The following HIP1 variants were observed in gnomAD, a reference collection of about 807,000 sequenced individuals.
HIP1 encodes the protein huntingtin-interacting protein 1.
In HIP1, 65 loss-of-function variants were observed where a neutral mutation model predicts 147.6. The ratio of observed to expected loss-of-function variants is 0.44; its 90% CI spans 0.36 to 0.54. The LOEUF is 0.54. HIP1 is among the 20% of genes least tolerant of loss of function. The pLI, the probability that HIP1 is intolerant of heterozygous loss-of-function variation, is 0.00. For missense variants in HIP1, 1,061 were observed against 1,299.6 expected (o/e 0.82, Z 2.82); for synonymous variants, 479 against 504.0 (o/e 0.95, Z 0.67).
At chr7:75,590,138 A>C (rs1475218632) in intron 4 of HIP1, among the ~76,000 whole-genome samples, 1 of 152,202 alleles carries the variant, frequency 6.6e-6, no homozygotes, top group Non-Finnish European at 1.5e-5. Context: ...GTGATCTCAG[A>C]TGAAAGGTCT....
At position 75,601,590 on chromosome 7, in the gene HIP1, G is replaced by T. The variant is rs927769271; in HGVS notation, c.121-2343C>A. 2.0e-5 allele frequency among the ~76,000 whole-genome samples: 3 copies of T among 146,630 alleles called. No individual in the cohort carries two copies. The Admixed American group carries it at 2.1e-4, about 10-fold the overall frequency. ...CAGCCTGGCTGAGAGAGCTCTCAGC[G>T]ACAACAAAACTCTCAACAACAACAA... On this transcript the variant is annotated intron_variant, in intron 1 of 30. Transcript: ENST00000336926.
chr7:75,559,819 A>G lies in HIP1; in HGVS notation c.1288T>C (p.Cys430Arg). 6.2e-7 allele frequency: 1 copy of G among 1,611,368 alleles called. No homozygotes were observed. The highest frequency in any genetic ancestry group is 8.5e-7 in the Non-Finnish European group (1 of 1,179,700). ...QHLRQQAADD[C>R]EFLRAELDEL... ...TCCAGTTCTGCCCGCAGGAATTCAC[A>G]GTCGTCGGCCGCCTGCTGCCGCAGG... Residue 430 changes from cysteine (C) to arginine (R), a missense_variant, in exon 14 of 31, where the codon TGT becomes CGT. Transcript: ENST00000336926.
intron 1 of HIP1, among the ~76,000 whole-genome samples, chr7:75,610,997 T>C (rs1158855071): frequency 6.6e-6 from 1 of 151,080 alleles, no homozygotes; most frequent in African/African-American, 2.4e-5. Context: ...CCTCTGCCTC[T>C]CAGGTTCAAG....
At chr7:75,582,260 TG>T in intron 5 of HIP1, 109 bp from the exon 6 acceptor site, 1 of 788,724 alleles carries the variant, frequency 1.3e-6, no homozygotes, top group Non-Finnish European at 2.1e-6. Context: ...GAGGCCGAGG[TG>T]GGAGGATTGC....
chr7:75,689,178 T>C (rs1206854378), intron 1 of HIP1, among the ~76,000 whole-genome samples: 5 of 151,496 alleles, frequency 3.3e-5, no homozygotes, highest in African/African-American at 9.7e-5. Context: ...AGTGAGACCC[T>C]ATCTTTATTA....
intron 1 of HIP1, among the ~76,000 whole-genome samples, chr7:75,681,497 CTTTTTTTTTTTTT>C (rs10546838): frequency 4.0e-5 from 5 of 124,308 alleles, no homozygotes; most frequent in Non-Finnish European, 6.7e-5. Context: ...ACAGCACCTG[CTTTTTTTTTTTTT>C]TTTTTTTTTT....
At chr7:75,719,711 C>G (rs1199202079) in intron 1 of HIP1, among the ~76,000 whole-genome samples, 1 of 151,942 alleles carries the variant, frequency 6.6e-6, no homozygotes, top group South Asian at 2.1e-4. Context: ...TGAGCCACCA[C>G]GCCTGGCCCT....
At chr7:75,681,802 G>A (rs1384567498) in intron 1 of HIP1, among the ~76,000 whole-genome samples, 2 of 151,514 alleles carry the variant, frequency 1.3e-5, no homozygotes, top group African/African-American at 4.9e-5. Context: ...TGCCTGGCCA[G>A]CACCTGCTCT....
At chr7:75,688,770 C>A (rs1800351052) in intron 1 of HIP1, among the ~76,000 whole-genome samples, 1 of 152,156 alleles carries the variant, frequency 6.6e-6, no homozygotes, top group Non-Finnish European at 1.5e-5. Context: ...ATTCCAGAGC[C>A]TCCCCAGGAA....
intron 1 of HIP1, among the ~76,000 whole-genome samples, chr7:75,651,241 C>T (rs570354065): frequency 1.3e-5 from 2 of 151,770 alleles, no homozygotes; most frequent in South Asian, 2.1e-4. Context: ...AGGCCGATCA[C>T]GAGGTCAGGA....
At chr7:75,668,810 C>G (rs1250968680) in intron 1 of HIP1, among the ~76,000 whole-genome samples, 2 of 152,196 alleles carry the variant, frequency 1.3e-5, no homozygotes, top group Non-Finnish European at 2.9e-5. Flanking sequence ...TGAGATATAA[C>G]TCAGACACCA....
intron 13 of HIP1, among the ~76,000 whole-genome samples, chr7:75,561,077 C>T (rs965407854): frequency 6.6e-6 from 1 of 151,834 alleles, no homozygotes; most frequent in Non-Finnish European, 1.5e-5. Flanking sequence ...CTCAGCTTCC[C>T]GAGTAGCTGG....
chr7:75,717,042 C>G (rs1801345036), intron 1 of HIP1, among the ~76,000 whole-genome samples: 1 of 152,082 alleles, frequency 6.6e-6, no homozygotes. Context: ...TGGTCTCAAA[C>G]TCCTGGGCTC....
intron 1 of HIP1, among the ~76,000 whole-genome samples, chr7:75,651,456 A>G (rs1554511942): frequency 3.1e-5 from 3 of 96,142 alleles, no homozygotes; most frequent in Non-Finnish European, 5.9e-5. Flanking sequence ...GAGACTCCAT[A>G]TCTCAAAAAA....
intron 9 of HIP1, among the ~76,000 whole-genome samples, chr7:75,566,304 GAGCCAC>G (rs1795399217): frequency 6.6e-6 from 1 of 151,652 alleles, no homozygotes; most frequent in East Asian, 1.9e-4. Context: ...TTACAGGCAT[GAGCCAC>G]TGCACCCGGC....
At chr7:75,609,298 G>A (rs1797338900) in intron 1 of HIP1, among the ~76,000 whole-genome samples, 1 of 152,166 alleles carries the variant, frequency 6.6e-6, no homozygotes, top group Non-Finnish European at 1.5e-5. Context: ...CCATTGCCGA[G>A]TCTGTGGCAA....
At chr7:75,724,011 C>G (rs1201675980) in intron 1 of HIP1, among the ~76,000 whole-genome samples, 1 of 151,932 alleles carries the variant, frequency 6.6e-6, no homozygotes, top group Non-Finnish European at 1.5e-5. Context: ...TGCTGGAGTA[C>G]AGTGGTGCAA....
intron 1 of HIP1, among the ~76,000 whole-genome samples, chr7:75,607,220 T>C (rs1797257075): frequency 6.9e-6 from 1 of 144,988 alleles, no homozygotes; most frequent in Non-Finnish European, 1.5e-5. Flanking sequence ...AAAAAAGAGT[T>C]GTTTTTTGTT....
intron 9 of HIP1, among the ~76,000 whole-genome samples, chr7:75,566,351 T>C (rs1360590072): frequency 2.0e-5 from 3 of 151,504 alleles, no homozygotes; most frequent in Non-Finnish European, 2.9e-5. Context: ...GAGGCGGCAG[T>C]GCACAGCCAG....
Sources: allele counts gnomAD v4.1 joint callset (sites outside exome capture counted in the v4.1 genomes callset), GRCh38; gene constraint gnomAD v4.1.1; transcripts MANE v1.5; gene names NCBI Gene and HGNC (gene_info 2026-07-23, HGNC 2026-07-21).